RNF43: variants seen among roughly 807,000 people sequenced by gnomAD.
RNF43 encodes ring finger protein 43.
RNF43 carries 37 observed loss-of-function variants against 78.4 expected under a neutral mutation model. The observed-to-expected ratio is 0.47, with a 90% CI of 0.36 to 0.62. The LOEUF is 0.62. Ranked by LOEUF, RNF43 falls within the 20% of genes least tolerant of loss-of-function variation. The pLI, the probability that RNF43 is intolerant of heterozygous loss-of-function variation, is 0.00. For missense variants in RNF43, 774 were observed against 1,007.9 expected (o/e 0.77, Z 3.14); for synonymous variants, 347 against 395.0 (o/e 0.88, Z 1.44).
intron 8 of RNF43, among the ~76,000 whole-genome samples, chr17:58,359,697 T>C (rs1972787748): frequency 6.6e-6 from 1 of 151,798 alleles, no homozygotes; most frequent in Non-Finnish European, 1.5e-5. Flanking sequence ...GAGGCCAAGG[T>C]AGGCAGATCA....
intron 2 of RNF43, among the ~76,000 whole-genome samples, chr17:58,400,073 C>T (rs1199008441): frequency 6.6e-6 from 1 of 152,162 alleles, no homozygotes; most frequent in Non-Finnish European, 1.5e-5. Context: ...TGTCAGTGAT[C>T]ACCTCATTGA....
At position 58,415,555 on chromosome 17, in the gene RNF43, T is replaced by G; in HGVS notation, c.23A>C (p.Gln8Pro). ...CAGCCAGGGCCAGAGGGCAGCCAGC[T>G]GCAGCTGGTGGCCACCACTCATGCT... MSGGHQL[Q>P]LAALWPWLLM... Residue 8 changes from glutamine to proline, a missense_variant, in exon 2 of 10, where the codon CAG becomes CCG. Physicochemically the swap from Gln to Pro is moderately conservative, Grantham distance 76. Transcript: ENST00000407977. 1.9e-6 allele frequency: 3 copies of G among 1,608,946 alleles called. No homozygotes were observed. Among genetic ancestry groups the G allele is most frequent in the African/African-American group, 1.3e-5 (1 of 75,074 alleles).
chr17:58,370,063 T>G (rs1274261637), intron 3 of RNF43, among the ~76,000 whole-genome samples: 5 of 97,100 alleles, frequency 5.1e-5, no homozygotes, highest in East Asian at 4.1e-4. Flanking sequence ...AATCTGAGTT[T>G]TTTTTTTTTT....
At chr17:58,410,835 T>TG (rs1385968724) in intron 2 of RNF43, among the ~76,000 whole-genome samples, 2 of 152,228 alleles carry the variant, frequency 1.3e-5, no homozygotes, top group African/African-American at 4.8e-5. Flanking sequence ...TGATGCACTC[T>TG]GGATCAATCT....
chr17:58,353,648 C>T (rs924952718), downstream of RNF43: 2 of 210,216 alleles, frequency 9.5e-6, no homozygotes, highest in Admixed American at 5.9e-5. Flanking sequence ...ACAGTCACGA[C>T]AGAACAAAAC....
chr17:58,364,130 G>A (rs906903358), intron 3 of RNF43, among the ~76,000 whole-genome samples: 2 of 152,186 alleles, frequency 1.3e-5, no homozygotes, highest in African/African-American at 4.8e-5. Context: ...AGCCTGGGAC[G>A]CCACTCTCAC....
intron 2 of RNF43, among the ~76,000 whole-genome samples, chr17:58,382,614 G>A (rs1049740990): frequency 3.9e-5 from 6 of 152,104 alleles, no homozygotes; most frequent in Admixed American, 1.3e-4. Flanking sequence ...AACCCATCCC[G>A]TTATGCTTTT....
chr17:58,402,283 T>C (rs148101041), intron 2 of RNF43, among the ~76,000 whole-genome samples: 1 of 152,226 alleles, frequency 6.6e-6, no homozygotes, highest in African/African-American at 2.4e-5. Context: ...TTCTAACCAC[T>C]ACTCTGTGGT....
In RNF43 at chr17:58,409,671, C is replaced by T. The variant is rs538087282; in HGVS notation, c.252+5655G>A. Among the ~76,000 whole-genome samples, 9 of 152,236 alleles carry T rather than the reference C, an allele frequency of 5.9e-5. No individual in the cohort carries two copies. The South Asian group carries it at 1.7e-3, about 28-fold the overall frequency. ...TACAGGCATGAGCCACCACACCTGG[C>T]CCGGGAATACCTTTAATACTGCAGA... On this transcript the variant is annotated intron_variant, in intron 2 of 9. Transcript: ENST00000407977.
chr17:58,378,758 C>A (rs965849582), intron 2 of RNF43, among the ~76,000 whole-genome samples: 1 of 151,926 alleles, frequency 6.6e-6, no homozygotes, highest in Admixed American at 6.6e-5. Flanking sequence ...TGCTGGTGAG[C>A]GAAAGAGCTG....
At chr17:58,416,369 ATCCT>A (rs1974125533) in intron 1 of RNF43, 3 of 152,216 alleles carry the variant, frequency 2.0e-5, no homozygotes, top group Admixed American at 6.5e-5. Flanking sequence ...TTACAGGATA[ATCCT>A]GAGCATCACA....
chr17:58,415,240 C>G lies in RNF43; in HGVS notation c.252+86G>C. 2.1e-6 allele frequency: 3 copies of G among 1,413,616 alleles called. No individual in the cohort carries two copies. The South Asian group carries it at 3.7e-5, about 17-fold the overall frequency. 87.6% of individuals were successfully genotyped at this position (1,413,616 alleles called of 1,614,324 possible). A position where few individuals can be genotyped will look rare whatever the true frequency, so the allele number is the denominator to read the frequency against. Reference sequence around the variant, plus strand: ...AATAGAAAGCTAAGCAGTAGAAGCCCGTGTATGGTATTTCATTTGGGAGAC... The same window carrying G: ...AATAGAAAGCTAAGCAGTAGAAGCCGGTGTATGGTATTTCATTTGGGAGAC... On this transcript the variant is annotated intron_variant, in intron 2 of 9. Transcript: ENST00000407977.
intron 2 of RNF43, among the ~76,000 whole-genome samples, chr17:58,378,934 C>T (rs575767950): frequency 2.6e-5 from 4 of 152,252 alleles, no homozygotes; most frequent in African/African-American, 7.2e-5. Flanking sequence ...CCAGTTGCCA[C>T]GTAGTTTATA....
chr17:58,411,275 A>G (rs571323557), intron 2 of RNF43, among the ~76,000 whole-genome samples: 2 of 152,254 alleles, frequency 1.3e-5, no homozygotes, highest in Admixed American at 1.3e-4. Context: ...ATTAATATTT[A>G]GTGTCAGCAT....
chr17:58,394,243 T>C (rs1444429455), intron 2 of RNF43, among the ~76,000 whole-genome samples: 1 of 152,148 alleles, frequency 6.6e-6, no homozygotes, highest in African/African-American at 2.4e-5. Flanking sequence ...AGTGGTAAGT[T>C]TGAAAGGTAA....
At chr17:58,390,349 G>C (rs1973526199) in intron 2 of RNF43, among the ~76,000 whole-genome samples, 1 of 152,108 alleles carries the variant, frequency 6.6e-6, no homozygotes, top group Non-Finnish European at 1.5e-5. Context: ...ATGTCACGTG[G>C]CCCTATCATT....
At chr17:58,415,184 G>C in intron 2 of RNF43, 142 bp downstream of exon 2, 1 of 765,836 alleles carries the variant, frequency 1.3e-6, no homozygotes, top group Non-Finnish European at 2.1e-6. Context: ...AATTTAGAAT[G>C]CCAATAAGGC....
chr17:58,377,693 C>T (rs1973232632), intron 2 of RNF43, among the ~76,000 whole-genome samples: 1 of 148,502 alleles, frequency 6.7e-6, no homozygotes. Flanking sequence ...CCCCCTCCTG[C>T]CCCCACCACC....
intron 2 of RNF43, among the ~76,000 whole-genome samples, chr17:58,402,011 C>T (rs1051507286): frequency 6.6e-6 from 1 of 152,134 alleles, no homozygotes; most frequent in Non-Finnish European, 1.5e-5. Flanking sequence ...ATGAAAGAGA[C>T]GGTCTTTCTC....
Sources: gnomAD v4.1 joint callset for allele counts (sites outside exome capture counted in the v4.1 genomes callset) on GRCh38, gnomAD v4.1.1 for gene constraint, MANE v1.5 for transcripts, NCBI Gene and HGNC (gene_info 2026-07-23, HGNC 2026-07-21) for gene names.